Variants in MCM4 observed in about 807,000 individuals in gnomAD.
MCM4 encodes DNA replication licensing factor MCM4.
A neutral mutation model predicts 88.7 loss-of-function variants in MCM4; 60 were observed. That is an observed-to-expected ratio of 0.68 (90% CI 0.55 to 0.84). The LOEUF is 0.84. Among genes scored for constraint, MCM4 ranks in the 40% least tolerant of loss-of-function variants. The pLI is 0.00. For missense variants in MCM4, 1,149 were observed against 1,105.5 expected (o/e 1.04, Z -0.56); for synonymous variants, 465 against 410.5 (o/e 1.13, Z -1.61).
Position 47,961,589 on chromosome 8 carries a change from G to A in MCM4, c.144G>A (p.Leu48=). 6.2e-7 allele frequency: 1 copy of A among 1,614,084 alleles called. No individual in the cohort carries two copies. Among genetic ancestry groups the A allele is most frequent in the Non-Finnish European group, 8.5e-7 (1 of 1,180,024 alleles). Residue 48 remains leucine (L), a synonymous_variant, in exon 3 of 17, where the codon TTG becomes TTA. Coordinates refer to ENST00000649973, the MANE Select transcript of MCM4 (RefSeq NM_182746.3). ...AGGATTCCACCTCCACGGGGGAGTT[G>A]CAGCCGATGCCAACCTCGCCTGGAG... is the stretch of plus-strand genomic sequence containing the variant. ...RGEDSTSTGE[L]QPMPTSPGVD...
chr8:47,974,492 C>T (rs933463499), intron 14 of MCM4: 1 of 470,012 alleles, frequency 2.1e-6, no homozygotes, highest in Non-Finnish European at 3.9e-6. Flanking sequence ...TCCAAGAATT[C>T]TTCCCAAGCA....
rs772278991 is a variant in MCM4, at chr8:47,974,770, G to C, written c.2173G>C (p.Gly725Arg). 1.2e-6 allele frequency: 2 copies of C among 1,614,214 alleles called. No homozygotes were observed. The highest frequency in any genetic ancestry group is 2.2e-5 in the South Asian group (2 of 91,078). Residue 725 changes from glycine to arginine, a missense_variant, in exon 15 of 17, where the codon GGA becomes CGA. Gly to Arg is a moderately radical substitution (Grantham distance 125, BLOSUM62 -2). This residue lies in a region of MCM4 where 238 missense variants were observed against 241.6 expected (regional missense o/e 0.99). Coordinates refer to ENST00000649973, the MANE Select transcript of MCM4 (RefSeq NM_182746.3). ...CATGAGGAAGATTGGCAGTAGCCGG[G>C]GAATGGTTTCTGCATACCCTCGACA... ...VDMRKIGSSR[G>R]MVSAYPRQLE... is the part of the protein sequence containing the mutation.
In MCM4 at chr8:47,974,727, A is replaced by T; in HGVS notation, c.2137-7A>T. 1 of 1,612,034 alleles carries T rather than the reference A, an allele frequency of 6.2e-7. No homozygotes were observed. On this transcript the variant is annotated splice_region_variant and splice_polypyrimidine_tract_variant and intron_variant, in intron 14 of 16. Coordinates refer to ENST00000649973, the MANE Select transcript of MCM4 (RefSeq NM_182746.3). ...TGCTTTTGCTTTTGTTTTTCTACCT[A>T]CAATAGGCTTATGTAGACATGAGGA...
Position 47,969,546 on chromosome 8 carries a change from C to T in MCM4, c.1175-252C>T, listed in dbSNP as rs143561534. On this transcript the variant is annotated intron_variant, in intron 10 of 16. Transcript: ENST00000649973. ...GTGCTAGGATTACAGACATGAGCCA[C>T]CTTGGTTCTTTCGAGCTTGTCCGTT... 6.9e-4 allele frequency: 354 copies of T among 514,392 alleles called. 4 individuals are homozygous for T. The East Asian group carries it at 0.011, about 17-fold the overall frequency. 31.9% of individuals were successfully genotyped at this position (514,392 alleles called of 1,614,324 possible).
intron 8 of MCM4, 41 bp from the exon 9 acceptor site, chr8:47,966,146 A>G (rs776481803): frequency 6.5e-6 from 10 of 1,536,814 alleles, no homozygotes. Flanking sequence ...GGACCTCCAC[A>G]CCTCAGGTCA....
rs1250163087 is a variant in MCM4, at chr8:47,964,671, A to G, written c.791A>G (p.Asn264Ser). The change falls in exon 8 of 17, where the codon AAC (asparagine) becomes AGC (serine). Residue 264 changes from asparagine to serine, a missense_variant. Asn to Ser is a conservative substitution (Grantham distance 46). Around this residue, in one of 3 missense-constraint regions of MCM4, gnomAD observed 906 missense variants for 843.0 expected, o/e 1.07. Transcript: ENST00000649973. ...LEHQIQVRPF[N>S]ALKTKNMRNL... ...CATCAGATTCAAGTAAGACCATTCA[A>G]CGCATTGAAGACTAAGAATATGAGA... is the stretch of plus-strand genomic sequence containing the variant. The G allele has an allele frequency of 3.1e-6, 5 of 1,601,362 alleles. No individual in the cohort carries two copies. The highest frequency in any genetic ancestry group is 2.3e-5 in the East Asian group (1 of 44,314).
intron 7 of MCM4, 24 bp from the exon 8 acceptor site, chr8:47,964,550 A>C: frequency 1.3e-6 from 2 of 1,555,224 alleles, no homozygotes; most frequent in Non-Finnish European, 1.7e-6. Context: ...GAATACAAAT[A>C]CATCTTCATA....
intron 10 of MCM4, chr8:47,969,353 G>A (rs1660125394): frequency 6.2e-6 from 1 of 162,600 alleles, no homozygotes; most frequent in Admixed American, 5.8e-5. Context: ...CCGCCTCCCA[G>A]GTTCAAGCCA....
At chr8:47,973,873 C>T (rs1191803286) in intron 14 of MCM4, 1 of 152,180 alleles carries the variant, frequency 6.6e-6, no homozygotes, top group Non-Finnish European at 1.5e-5. Context: ...GGAAATAGTT[C>T]ATTTATGTAG....
At chr8:47,975,089 G>T (rs1333580525) in intron 15 of MCM4, 127 bp downstream of exon 15, 4 of 699,136 alleles carry the variant, frequency 5.7e-6, no homozygotes. Flanking sequence ...TTTGGATTAG[G>T]ACCCCTTTGA....
intron 8 of MCM4, among the ~76,000 whole-genome samples, chr8:47,965,582 G>C (rs1221159023): frequency 6.6e-6 from 1 of 152,208 alleles, no homozygotes; most frequent in Non-Finnish European, 1.5e-5. Context: ...GAAACCAGCA[G>C]GGGAAATTAG....
chr8:47,961,348 CA>C (rs1241565341), intron 2 of MCM4, 134 bp downstream of exon 2: 1 of 1,474,712 alleles, frequency 6.8e-7, no homozygotes, highest in East Asian at 2.5e-5. Context: ...GCTTGGTGCG[CA>C]CAGACACCCA....
intron 16 of MCM4, among the ~76,000 whole-genome samples, 166 bp downstream of exon 16, chr8:47,976,014 T>G (rs1035114108): frequency 2.0e-5 from 3 of 152,164 alleles, no homozygotes; most frequent in Non-Finnish European, 4.4e-5. Flanking sequence ...TTAAAATTTT[T>G]GGCTGGGTGC....
chr8:47,973,103 C>CA (rs745474458), intron 14 of MCM4, 39 bp downstream of exon 14: 3 of 1,542,342 alleles, frequency 1.9e-6, no homozygotes, highest in Non-Finnish European at 2.7e-6. Context: ...GCCTGTAGCC[C>CA]ACAGCATTAA....
chr8:47,970,365 C>A, intron 11 of MCM4, 146 bp from the exon 12 acceptor site: 3 of 997,252 alleles, frequency 3.0e-6, no homozygotes, highest in Non-Finnish European at 2.9e-6. Context: ...TAAAGCATAT[C>A]AAGCACTTTC....
Position 47,962,180 on chromosome 8 carries a change from A to G in MCM4, c.363A>G (p.Ala121=). 1 of 1,614,216 alleles carries G rather than the reference A, an allele frequency of 6.2e-7. No homozygotes were observed. The highest frequency in any genetic ancestry group is 8.5e-7 in the Non-Finnish European group (1 of 1,180,034). The change falls in exon 4 of 17, where the codon GCA becomes GCG. Residue 121 remains alanine (A), a synonymous_variant. Transcript: ENST00000649973. Reference sequence around the variant, plus strand: ...GACAGAGGCCTGACCTGGGCTCTGCACAGAAGGGCCTGCAAGTGGATCTGC... The same window carrying G: ...GACAGAGGCCTGACCTGGGCTCTGCGCAGAAGGGCCTGCAAGTGGATCTGC... ...PVRQRPDLGS[A]QKGLQVDLQS...
At chr8:47,975,181 T>G (rs2090990585) in intron 15 of MCM4, 23 of 476,070 alleles carry the variant, frequency 4.8e-5, no homozygotes, top group African/African-American at 2.4e-4. Context: ...AGTTTTTTTT[T>G]GTTTTTTTTT....
chr8:47,965,316 A>G (rs897077647), intron 8 of MCM4, among the ~76,000 whole-genome samples: 6 of 151,702 alleles, frequency 4.0e-5, no homozygotes, highest in African/African-American at 1.5e-4. Flanking sequence ...CTTTTTAAGA[A>G]GAAATTAGCA....
At position 47,967,412 on chromosome 8, in the gene MCM4, A is replaced by C; in HGVS notation, c.1101A>C (p.Pro367=). ...SPEDMPAGQT[P]HTVILFAHND... is the part of the protein sequence containing the mutation. ...AAGACATGCCTGCAGGGCAGACACCACACACAGTTATCCTGTTTGCTCACA... is the reference window on the plus strand; with the variant it reads ...AAGACATGCCTGCAGGGCAGACACCCCACACAGTTATCCTGTTTGCTCACA... Residue 367 remains proline, a synonymous_variant, in exon 10 of 17, where the codon CCA becomes CCC. Transcript: ENST00000649973. 1.2e-6 allele frequency: 2 copies of C among 1,614,176 alleles called. No individual in the cohort carries two copies. The highest frequency in any genetic ancestry group is 1.7e-6 in the Non-Finnish European group (2 of 1,180,024).
Sources: allele counts gnomAD v4.1 joint callset (sites outside exome capture counted in the v4.1 genomes callset), GRCh38; gene constraint gnomAD v4.1.1; regional missense constraint gnomAD v4.1.1; transcripts MANE v1.5; gene names NCBI Gene and HGNC (gene_info 2026-07-23, HGNC 2026-07-21).